The following PLD1 variants were observed in gnomAD, a reference collection of about 807,000 sequenced individuals.
PLD1 encodes phospholipase D1, also known as choline phosphatase 1.
In PLD1, 112 loss-of-function variants were observed where a neutral mutation model predicts 137.1. The ratio of observed to expected loss-of-function variants is 0.82; its 90% CI spans 0.70 to 0.96. The LOEUF is 0.96. Ranked by LOEUF, PLD1 falls within the 40% of genes least tolerant of loss-of-function variation. The pLI, the probability that PLD1 is intolerant of heterozygous loss-of-function variation, is 0.00. For synonymous variants in PLD1, 431 were observed against 454.7 expected (o/e 0.95, Z 0.66); for missense variants, 1,321 against 1,342.0 (o/e 0.98, Z 0.24).
At chr3:171,629,761 GA>G (rs1212057041) in intron 23 of PLD1, among the ~76,000 whole-genome samples, 10 of 152,132 alleles carry the variant, frequency 6.6e-5, no homozygotes, top group African/African-American at 2.4e-4. Context: ...AAGCAATGGG[GA>G]AAGGATTCCC....
chr3:171,688,780 C>G lies in PLD1; in HGVS notation c.1435G>C (p.Gly479Arg), dbSNP rs1190479746. Residue 479 changes from glycine to arginine, a missense_variant, in exon 14 of 27, where the codon GGG becomes CGG. By Grantham distance (125) the Gly-to-Arg change is moderately radical (BLOSUM62 -2). Transcript: ENST00000351298. ...CACCTTCCATAGGCCAGGTCAATCC[C>G]TCCCACAAAGGCCACCGATTGGTCA... ...IIDQSVAFVG[G>R]IDLAYGRWDD... 1 of 1,614,092 alleles carries G rather than the reference C, an allele frequency of 6.2e-7. No individual in the cohort carries two copies. Among genetic ancestry groups the G allele is most frequent in the African/African-American group, 1.3e-5 (1 of 75,042 alleles).
chr3:171,639,759 GATTT>G, intron 23 of PLD1, among the ~76,000 whole-genome samples: 2 of 135,432 alleles, frequency 1.5e-5, no homozygotes, highest in Middle Eastern at 8.2e-3. Flanking sequence ...TATATGAAAA[GATTT>G]ATTATGAGGA....
At chr3:171,773,031 C>G (rs1722447824) in intron 1 of PLD1, among the ~76,000 whole-genome samples, 1 of 152,232 alleles carries the variant, frequency 6.6e-6, no homozygotes, top group Non-Finnish European at 1.5e-5. Flanking sequence ...AAATCCCCAA[C>G]TCAGCTAGAT....
At chr3:171,654,874 A>T (rs989464538) in intron 21 of PLD1, among the ~76,000 whole-genome samples, 10 of 152,080 alleles carry the variant, frequency 6.6e-5, no homozygotes, top group Non-Finnish European at 1.3e-4. Context: ...GCTCTAGGTC[A>T]TGTCAGAACA....
At chr3:171,732,489 G>T (rs1014678394) in intron 6 of PLD1, among the ~76,000 whole-genome samples, 1 of 152,142 alleles carries the variant, frequency 6.6e-6, no homozygotes, top group African/African-American at 2.4e-5. Flanking sequence ...CAAACCATGT[G>T]CTGCAAGGCA....
At chr3:171,605,145 C>A (rs1732104571) in intron 26 of PLD1, among the ~76,000 whole-genome samples, 154 bp downstream of exon 26, 1 of 152,098 alleles carries the variant, frequency 6.6e-6, no homozygotes, top group African/African-American at 2.4e-5. Context: ...TTTTCAGGGT[C>A]CACAAAGAGG....
intron 16 of PLD1, among the ~76,000 whole-genome samples, chr3:171,686,078 G>A (rs1258875301): frequency 1.3e-5 from 2 of 148,944 alleles, no homozygotes; most frequent in African/African-American, 4.9e-5. Flanking sequence ...GAGCCAAGAC[G>A]GCCCTACTGC....
intron 1 of PLD1, among the ~76,000 whole-genome samples, chr3:171,798,039 C>T (rs1723499085): frequency 6.6e-6 from 1 of 151,992 alleles, no homozygotes; most frequent in Non-Finnish European, 1.5e-5. Context: ...CCTAAAGAAA[C>T]ATTAAAGGGA....
intron 6 of PLD1, among the ~76,000 whole-genome samples, chr3:171,726,843 T>G (rs1019399891): frequency 3.9e-5 from 6 of 152,210 alleles, no homozygotes; most frequent in Non-Finnish European, 5.9e-5. Flanking sequence ...AGGTGCTACT[T>G]TTCCCATTGT....
chr3:171,617,888 G>A (rs1431715620), intron 24 of PLD1, among the ~76,000 whole-genome samples: 1 of 152,102 alleles, frequency 6.6e-6, no homozygotes, highest in Non-Finnish European at 1.5e-5. Context: ...TCCTTTAAAT[G>A]TTTAAATACT....
chr3:171,773,365 G>A (rs981577036), intron 1 of PLD1, among the ~76,000 whole-genome samples: 3 of 152,144 alleles, frequency 2.0e-5, no homozygotes, highest in African/African-American at 7.2e-5. Context: ...AGGCCGAGGC[G>A]GGTGGATCAC....
At chr3:171,628,005 AAAATC>A (rs1250300994) in intron 23 of PLD1, among the ~76,000 whole-genome samples, 157 of 151,928 alleles carry the variant, frequency 1.0e-3, no homozygotes, top group African/African-American at 3.5e-3. Flanking sequence ...AGAAATAACT[AAAATC>A]AGAGCAGAAC....
At chr3:171,783,825 T>A (rs1722890027) in intron 1 of PLD1, among the ~76,000 whole-genome samples, 1 of 152,074 alleles carries the variant, frequency 6.6e-6, no homozygotes, top group Non-Finnish European at 1.5e-5. Flanking sequence ...GTAGTGATGT[T>A]TTTGTAGAGA....
intron 1 of PLD1, among the ~76,000 whole-genome samples, chr3:171,791,466 C>T (rs1723208784): frequency 6.6e-6 from 1 of 152,202 alleles, no homozygotes; most frequent in African/African-American, 2.4e-5. Context: ...ACCTTGCCAG[C>T]TCCAGCTCTA....
chr3:171,663,207 A>G (rs1336497697), intron 19 of PLD1, among the ~76,000 whole-genome samples: 1 of 152,176 alleles, frequency 6.6e-6, no homozygotes, highest in Non-Finnish European at 1.5e-5. Context: ...GATTTCTCAG[A>G]TTTGCCTCTT....
intron 19 of PLD1, chr3:171,666,343 G>A (rs958173494): frequency 2.6e-5 from 4 of 152,368 alleles, no homozygotes; most frequent in African/African-American, 9.7e-5. Context: ...GCAGGGAAGA[G>A]GGCATGTGCG....
intron 1 of PLD1, chr3:171,765,361 A>T (rs1236701409): frequency 1.3e-5 from 2 of 152,218 alleles, no homozygotes; most frequent in East Asian, 3.9e-4. Flanking sequence ...AAATGTTCCA[A>T]CAACAATGAT....
chr3:171,692,447 C>A lies in PLD1; in HGVS notation c.1228-5G>T, dbSNP rs770732813. The A allele has an allele frequency of 2.8e-6, 4 of 1,439,086 alleles. No homozygotes were observed. Among genetic ancestry groups the A allele is most frequent in the South Asian group, 1.1e-5 (1 of 87,162 alleles). 89.1% of individuals were successfully genotyped at this position (1,439,086 alleles called of 1,614,324 possible). A position where few individuals can be genotyped will look rare whatever the true frequency, so the allele number is the denominator to read the frequency against. Reference sequence around the variant, plus strand: ...GAAGATCCTCACTCCTTGTTGCTGTCACAGGAGAAAACCGATGGAGGAATG... The same window carrying A: ...GAAGATCCTCACTCCTTGTTGCTGTAACAGGAGAAAACCGATGGAGGAATG... On this transcript the variant is annotated splice_polypyrimidine_tract_variant and splice_region_variant and intron_variant, in intron 12 of 26. Transcript: ENST00000351298.
intron 1 of PLD1, among the ~76,000 whole-genome samples, chr3:171,757,155 C>T (rs992528330): frequency 1.8e-4 from 27 of 152,284 alleles, no homozygotes; most frequent in African/African-American, 5.3e-4. Context: ...AATCTACCGA[C>T]GTCTACATTG....
Sources: gnomAD v4.1 joint callset for allele counts (sites outside exome capture counted in the v4.1 genomes callset) on GRCh38, gnomAD v4.1.1 for gene constraint, MANE v1.5 for transcripts, NCBI Gene and HGNC (gene_info 2026-07-23, HGNC 2026-07-21) for gene names.